Variants in IGFBP1 observed in about 807,000 individuals in gnomAD.
IGFBP1 encodes insulin-like growth factor-binding protein 1.
IGFBP1 carries 31 observed loss-of-function variants against 23.1 expected under a neutral mutation model. That is an observed-to-expected ratio of 1.34 (90% CI 1.01 to 1.81). The LOEUF is 1.81. IGFBP1 is among the 40% of genes most tolerant of loss of function. The pLI is 0.00. For missense variants in IGFBP1, 333 were observed against 342.2 expected, an observed-to-expected ratio of 0.97 and a Z score of 0.21; for synonymous variants, 148 against 145.5, an observed-to-expected ratio of 1.02 and a Z score of -0.13.
Position 45,888,493 on chromosome 7 carries a change from C to T in IGFBP1, c.-160C>T. 2 of 630,782 alleles carry T rather than the reference C, an allele frequency of 3.2e-6. No individual in the cohort carries two copies. Among genetic ancestry groups the T allele is most frequent in the Non-Finnish European group, 5.5e-6 (2 of 363,598 alleles). The allele number at this position is 630,782 out of a possible 1,614,324, so 39.1% of individuals were successfully genotyped here. A position where few individuals can be genotyped will look rare whatever the true frequency, so the allele number is the denominator to read the frequency against. ...GCGCGCTGTGTCCAGCGAGCATCGGCCACCGCCATCCCATCCAGCGAGCAT... is the reference window on the plus strand; with the variant it reads ...GCGCGCTGTGTCCAGCGAGCATCGGTCACCGCCATCCCATCCAGCGAGCAT... On this transcript the variant is annotated 5_prime_UTR_variant, in exon 1 of 4. Coordinates refer to ENST00000275525, the MANE Select transcript of IGFBP1 (RefSeq NM_000596.4).
At chr7:45,889,452 C>T (rs1787041699) in intron 1 of IGFBP1, among the ~76,000 whole-genome samples, 1 of 152,234 alleles carries the variant, frequency 6.6e-6, no homozygotes, top group East Asian at 1.9e-4. Context: ...GGAATCCCTC[C>T]TGCTGGCCTC....
intron 1 of IGFBP1, among the ~76,000 whole-genome samples, chr7:45,889,839 G>A (rs1203589873): frequency 6.6e-6 from 1 of 152,204 alleles, no homozygotes; most frequent in Non-Finnish European, 1.5e-5. Flanking sequence ...GGAGGGAACA[G>A]GGATTTCCTG....
At position 45,890,608 on chromosome 7, in the gene IGFBP1, AT is replaced by A. The variant is rs1787064716; in HGVS notation, c.413del (p.Phe138SerfsTer3). ...ATAACTGAGGAGGAGCTCCTGGATAATTTCCATCTGATGGCCCCTTCTGAAG... is the reference window on the plus strand; with the variant it reads ...ATAACTGAGGAGGAGCTCCTGGATAATTCCATCTGATGGCCCCTTCTGAAG... ...TEITEEELLD[N>X]FHLMAPSEED... is the part of the protein sequence containing the mutation. On this transcript the variant is annotated frameshift_variant, in exon 2 of 4. Coordinates refer to ENST00000275525, the MANE Select transcript of IGFBP1 (RefSeq NM_000596.4). LOFTEE classifies it high-confidence loss of function. 1 of 1,613,736 alleles carries A rather than the reference AT, an allele frequency of 6.2e-7. No homozygotes were observed.
Position 45,891,961 on chromosome 7 carries a change from C to G in IGFBP1, c.549C>G (p.Val183=), listed in dbSNP as rs751857594. The G allele has an allele frequency of 1.2e-6, 2 of 1,612,922 alleles. No homozygotes were observed. Among genetic ancestry groups the G allele is most frequent in the Non-Finnish European group, 8.5e-7 (1 of 1,178,874 alleles). ...CCTGCCGAATAGAACTCTACAGAGTCGTAGAGAGTTTAGCCAAGGCACAGG... is the reference window on the plus strand; with the variant it reads ...CCTGCCGAATAGAACTCTACAGAGTGGTAGAGAGTTTAGCCAAGGCACAGG... The part of the protein sequence containing the change: ...KEPCRIELYR[V]VESLAKAQET... Residue 183 remains valine, a synonymous_variant, in exon 3 of 4, where the codon GTC becomes GTG. Coordinates refer to ENST00000275525, the MANE Select transcript of IGFBP1 (RefSeq NM_000596.4).
chr7:45,891,760 G>T (rs551543999), intron 2 of IGFBP1, among the ~76,000 whole-genome samples, 172 bp from the exon 3 acceptor site: 12 of 152,264 alleles, frequency 7.9e-5, no homozygotes, highest in South Asian at 2.1e-4. Context: ...ACTAACTGCA[G>T]GTGGGAAAAA....
chr7:45,893,132 T>A lies in IGFBP1; in HGVS notation c.*41T>A. The A allele has an allele frequency of 7.1e-7, 1 of 1,416,414 alleles. No homozygotes were observed. The allele number at this position is 1,416,414 out of a possible 1,614,324, so 87.7% of individuals were successfully genotyped here. On this transcript the variant is annotated 3_prime_UTR_variant, in exon 4 of 4. Transcript: ENST00000275525. ...TGTTCTGTCACGTGAAATATTTAAG[T>A]ATATAGTATATTTATACTCTAGAAC... is the stretch of plus-strand genomic sequence containing the variant.
rs1399209964 is a variant in IGFBP1, at chr7:45,890,559, C to T, written c.361C>T (p.Pro121Ser). 1.2e-6 allele frequency: 2 copies of T among 1,609,266 alleles called. No individual in the cohort carries two copies. Among genetic ancestry groups the T allele is most frequent in the Non-Finnish European group, 1.7e-6 (2 of 1,178,098 alleles). ...SAPHAAEAGSPESPESTEITE... is the reference protein window; with the variant it reads ...SAPHAAEAGSSESPESTEITE... ...TGTTTCCTTTCCAGAGGCAGGGAGCCCTGAAAGCCCAGAGAGCACGGAGAT... is the reference window on the plus strand; with the variant it reads ...TGTTTCCTTTCCAGAGGCAGGGAGCTCTGAAAGCCCAGAGAGCACGGAGAT... Residue 121 changes from proline to serine, a missense_variant, in exon 2 of 4, where the codon CCT (proline) becomes TCT (serine). Transcript: ENST00000275525.
rs751857594 is a variant in IGFBP1 at position 45,891,961 on chromosome 7, C to T, written c.549C>T (p.Val183=). 7.4e-6 allele frequency: 12 copies of T among 1,612,804 alleles called. No homozygotes were observed. The Admixed American group carries it at 8.3e-5, about 11-fold the overall frequency. ...CCTGCCGAATAGAACTCTACAGAGT[C>T]GTAGAGAGTTTAGCCAAGGCACAGG... ...KEPCRIELYR[V]VESLAKAQET... The change falls in exon 3 of 4, where the codon GTC becomes GTT. Residue 183 remains valine, a synonymous_variant. Transcript: ENST00000275525.
intron 2 of IGFBP1, among the ~76,000 whole-genome samples, chr7:45,891,070 A>T (rs1787072027): frequency 6.6e-6 from 1 of 152,208 alleles, no homozygotes. Flanking sequence ...CCTCCCTTTA[A>T]AAAAGTTGTC....
intron 3 of IGFBP1, among the ~76,000 whole-genome samples, chr7:45,892,533 C>A (rs915176459): frequency 1.3e-5 from 2 of 152,090 alleles, no homozygotes; most frequent in African/African-American, 4.8e-5. Context: ...ATCAAACAGA[C>A]CAAGATTTCA....
intron 1 of IGFBP1, 38 bp downstream of exon 1, chr7:45,889,039 G>T (rs576070701): frequency 7.1e-7 from 1 of 1,412,084 alleles, no homozygotes; most frequent in South Asian, 1.4e-5. Context: ...ACCTCCTGCC[G>T]CCCGCCCCCG....
At position 45,888,787 on chromosome 7, in the gene IGFBP1, C is replaced by T. The variant is rs1339087567; in HGVS notation, c.135C>T (p.Ser45=). The T allele has an allele frequency of 1.3e-6, 2 of 1,578,546 alleles. No individual in the cohort carries two copies. The change falls in exon 1 of 4, where the codon TCC becomes TCT. Residue 45 remains serine (S), a synonymous_variant. Transcript: ENST00000275525. ...AGCTCGCGCTCTGCCCGCCGGTGTC[C>T]GCCTCGTGCTCGGAGGTCACCCGGT... is the stretch of plus-strand genomic sequence containing the variant. The part of the protein sequence containing the change: ...AEKLALCPPV[S]ASCSEVTRSA...
chr7:45,888,614 C>T lies in IGFBP1; in HGVS notation c.-39C>T. 6.5e-7 allele frequency: 1 copy of T among 1,544,700 alleles called. No individual in the cohort carries two copies. On this transcript the variant is annotated 5_prime_UTR_variant, in exon 1 of 4. Transcript: ENST00000275525. ...GGGCCACCGCCCGCCGCCACCAGCC[C>T]AGAGAGCATCGGCCCCTGTCTGCTG... is the stretch of plus-strand genomic sequence containing the variant.
chr7:45,888,895 A>G lies in IGFBP1; in HGVS notation c.243A>G (p.Gly81=). 2 of 1,501,146 alleles carry G rather than the reference A, an allele frequency of 1.3e-6. No homozygotes were observed. The highest frequency in any genetic ancestry group is 1.8e-6 in the Non-Finnish European group (2 of 1,136,008). 93.0% of individuals were successfully genotyped at this position (1,501,146 alleles called of 1,614,324 possible). A position where few individuals can be genotyped will look rare whatever the true frequency, so the allele number is the denominator to read the frequency against. The change falls in exon 1 of 4, where the codon GGA becomes GGG. Residue 81 remains glycine, a synonymous_variant. Coordinates refer to ENST00000275525, the MANE Select transcript of IGFBP1 (RefSeq NM_000596.4). ...CGVATARCAR[G]LSCRALPGEQ... ...TGGCGACTGCACGCTGCGCCCGGGG[A>G]CTCAGTTGCCGCGCGCTGCCGGGGG...
In IGFBP1 at chr7:45,890,041, G is replaced by A. The variant is rs552929879; in HGVS notation, c.350-507G>A. On this transcript the variant is annotated intron_variant, in intron 1 of 3. Coordinates refer to ENST00000275525, the MANE Select transcript of IGFBP1 (RefSeq NM_000596.4). The stretch of plus-strand genomic sequence containing the variant: ...AGAGAAGTCCATTAGGACGTGGGAA[G>A]GCAGGGGCCCCAAAATAGAAGAGGG... Among the ~76,000 whole-genome samples the A allele has an allele frequency of 7.2e-5, 11 of 152,300 alleles. 1 individual carries two copies. The South Asian group carries it at 1.9e-3, about 26-fold the overall frequency.
intron 1 of IGFBP1, among the ~76,000 whole-genome samples, chr7:45,889,358 G>T (rs1583660243): frequency 6.6e-6 from 1 of 152,192 alleles, no homozygotes; most frequent in African/African-American, 2.4e-5. Context: ...CCGCAGTTGG[G>T]ATGCCACCCT....
chr7:45,891,862 A>T (rs1315522593), intron 2 of IGFBP1, 70 bp from the exon 3 acceptor site: 1 of 1,491,178 alleles, frequency 6.7e-7, no homozygotes, highest in Non-Finnish European at 9.1e-7. Context: ...AACCTCTTCC[A>T]TCAGTCATTG....
At position 45,892,961 on chromosome 7, in the gene IGFBP1, G is replaced by A; in HGVS notation, c.650G>A (p.Cys217Tyr). 6.2e-7 allele frequency: 1 copy of A among 1,611,964 alleles called. No homozygotes were observed. The change falls in exon 4 of 4, where the codon TGT (cysteine) becomes TAT (tyrosine). Residue 217 changes from cysteine to tyrosine, a missense_variant and splice_region_variant. Physicochemically the swap from Cys to Tyr is radical, Grantham distance 194. Coordinates refer to ENST00000275525, the MANE Select transcript of IGFBP1 (RefSeq NM_000596.4). ...TTGACCTTGGTCTTGTCTTTGCAGTGTGAGACATCCATGGATGGAGAGGCG... is the reference window on the plus strand; with the variant it reads ...TTGACCTTGGTCTTGTCTTTGCAGTATGAGACATCCATGGATGGAGAGGCG... ...NKNGFYHSRQ[C>Y]ETSMDGEAGL...
At chr7:45,892,818 A>G (rs545397118) in intron 3 of IGFBP1, 142 bp from the exon 4 acceptor site, 1 of 690,756 alleles carries the variant, frequency 1.4e-6, no homozygotes, top group East Asian at 2.6e-5. Context: ...ATTTGCCTGC[A>G]TCATGGGCAG....
Sources: gnomAD v4.1 joint callset for allele counts (sites outside exome capture counted in the v4.1 genomes callset) on GRCh38, gnomAD v4.1.1 for gene constraint, MANE v1.5 for transcripts, NCBI Gene and HGNC (gene_info 2026-07-23, HGNC 2026-07-21) for gene names.